Variants in TRAF3IP1 observed in about 807,000 individuals in gnomAD.
TRAF3IP1 encodes TRAF3-interacting protein 1.
Under a neutral mutation model 89.9 loss-of-function variants are expected in TRAF3IP1, and 53 were observed. That is an observed-to-expected ratio of 0.59 (90% CI 0.47 to 0.74). TRAF3IP1 has a LOEUF of 0.74. TRAF3IP1 is among the 30% of genes least tolerant of loss of function. The probability of loss-of-function intolerance (pLI) is 0.00; values close to 1 mark genes in which losing one functional copy is unlikely to be tolerated. For synonymous variants in TRAF3IP1, 311 were observed against 322.1 expected (o/e 0.97, Z 0.37); for missense variants, 806 against 866.1 (o/e 0.93, Z 0.87).
intron 15 of TRAF3IP1, among the ~76,000 whole-genome samples, chr2:238,385,630 C>T (rs1700737052): frequency 1.3e-5 from 2 of 152,200 alleles, no homozygotes; most frequent in Admixed American, 1.3e-4. Context: ...TGGTCCCCAA[C>T]CTTTTTGCTA....
At chr2:238,357,960 GAA>G (rs1699493337) in intron 15 of TRAF3IP1, among the ~76,000 whole-genome samples, 1 of 152,124 alleles carries the variant, frequency 6.6e-6, no homozygotes, top group East Asian at 1.9e-4. Flanking sequence ...CTGCTGTTTT[GAA>G]AAAGAGTGGT....
chr2:238,386,759 TTC>T, intron 15 of TRAF3IP1, among the ~76,000 whole-genome samples: 1 of 152,306 alleles, frequency 6.6e-6, no homozygotes, highest in South Asian at 2.1e-4. Context: ...GTTTGAAGAT[TTC>T]TCTGTTTTGT....
chr2:238,338,264 G>T, intron 7 of TRAF3IP1, 98 bp from the exon 8 acceptor site: 1 of 639,716 alleles, frequency 1.6e-6, no homozygotes, highest in South Asian at 2.5e-5. Flanking sequence ...GTTTGCTGGT[G>T]ACCTTGGTGT....
chr2:238,326,352 G>A (rs922799397), intron 3 of TRAF3IP1, among the ~76,000 whole-genome samples: 1 of 152,118 alleles, frequency 6.6e-6, no homozygotes, highest in Non-Finnish European at 1.5e-5. Flanking sequence ...TGCAGTGGCT[G>A]CAGGAGCTGC....
chr2:238,391,148 G>A lies in TRAF3IP1; in HGVS notation c.1690-6311G>A, dbSNP rs149556817. Reference sequence around the variant, plus strand: ...TTTTGTATTTTTTTTGTAGAGGCAGGGTTTCACCATGTTGGCCAGGCTGGT... The same window carrying A: ...TTTTGTATTTTTTTTGTAGAGGCAGAGTTTCACCATGTTGGCCAGGCTGGT... On this transcript the variant is annotated intron_variant, in intron 15 of 16. Coordinates refer to ENST00000373327, the MANE Select transcript of TRAF3IP1 (RefSeq NM_015650.4). 4.3e-4 allele frequency among the ~76,000 whole-genome samples: 66 copies of A among 152,112 alleles called. 1 individual carries two copies. Among genetic ancestry groups the A allele is most frequent in the African/African-American group, 1.5e-3 (64 of 41,510 alleles).
At chr2:238,387,170 T>C (rs1379413264) in intron 15 of TRAF3IP1, among the ~76,000 whole-genome samples, 3 of 152,226 alleles carry the variant, frequency 2.0e-5, no homozygotes, top group African/African-American at 7.2e-5. Context: ...AGGTAGGAGC[T>C]ACCCCAGATC....
At chr2:238,336,112 G>A (rs1381658484) in intron 7 of TRAF3IP1, among the ~76,000 whole-genome samples, 1 of 152,078 alleles carries the variant, frequency 6.6e-6, no homozygotes, top group Non-Finnish European at 1.5e-5. Context: ...TCTTAATCCA[G>A]TAGTTCTTCT....
chr2:238,387,368 G>T (rs1257172753), intron 15 of TRAF3IP1, among the ~76,000 whole-genome samples: 2 of 152,240 alleles, frequency 1.3e-5, no homozygotes, highest in African/African-American at 4.8e-5. Flanking sequence ...GCTGCTGCCA[G>T]ATAACAGTTC....
intron 14 of TRAF3IP1, 114 bp downstream of exon 14, chr2:238,353,323 C>A: frequency 1.8e-6 from 2 of 1,131,416 alleles, no homozygotes; most frequent in South Asian, 1.4e-5. Context: ...AGGTTCTGGT[C>A]TGGGTCACAC....
intron 15 of TRAF3IP1, among the ~76,000 whole-genome samples, chr2:238,375,933 C>A (rs1192633383): frequency 6.6e-6 from 1 of 152,086 alleles, no homozygotes; most frequent in Non-Finnish European, 1.5e-5. Flanking sequence ...ATATGGATAA[C>A]CAAGTTTTCC....
In TRAF3IP1 at chr2:238,371,631, C is replaced by T. The variant is rs995970125; in HGVS notation, c.1689+15551C>T. On this transcript the variant is annotated intron_variant, in intron 15 of 16. Transcript: ENST00000373327. ...TGGGATGACCAGCGCAGTGGCCACTCGCCCATGTGGTGGGGGTATTAGAAA... is the reference window on the plus strand; with the variant it reads ...TGGGATGACCAGCGCAGTGGCCACTTGCCCATGTGGTGGGGGTATTAGAAA... Among the ~76,000 whole-genome samples, 6 of 152,108 alleles carry T rather than the reference C, an allele frequency of 3.9e-5. 1 individual carries two copies. Among genetic ancestry groups the T allele is most frequent in the Admixed American group, 2.6e-4 (4 of 15,278 alleles).
intron 15 of TRAF3IP1, among the ~76,000 whole-genome samples, chr2:238,365,984 G>A (rs914608299): frequency 2.6e-5 from 4 of 152,060 alleles, no homozygotes; most frequent in Admixed American, 2.0e-4. Context: ...AGTGGCTCAC[G>A]CCTGTAATCC....
rs1042142104 is a variant in TRAF3IP1 at position 238,345,769 on chromosome 2, C to T, written c.1261+1171C>T. 1.9e-4 allele frequency among the ~76,000 whole-genome samples: 29 copies of T among 152,162 alleles called. No homozygotes were observed. The highest frequency in any genetic ancestry group is 4.6e-4 in the Admixed American group (7 of 15,278). On this transcript the variant is annotated intron_variant, in intron 9 of 16. Transcript: ENST00000373327. This position sits in a 1 kb window ranked among gnomAD's most constrained non-coding sequence, Gnocchi z 4.7. Reference sequence around the variant, plus strand: ...GGCTAGAGAGGAGCTGTGAGAGTTGCTGGCGCTGGGTGATGGCAGGAGCCT... The same window carrying T: ...GGCTAGAGAGGAGCTGTGAGAGTTGTTGGCGCTGGGTGATGGCAGGAGCCT...
At chr2:238,348,507 A>G (rs1699002810) in intron 10 of TRAF3IP1, among the ~76,000 whole-genome samples, 1 of 152,038 alleles carries the variant, frequency 6.6e-6, no homozygotes, top group Non-Finnish European at 1.5e-5. Context: ...TTTGAATTTT[A>G]TTTCTGAAGT....
intron 3 of TRAF3IP1, among the ~76,000 whole-genome samples, chr2:238,327,085 C>G (rs377739459): frequency 6.6e-6 from 1 of 152,254 alleles, no homozygotes; most frequent in African/African-American, 2.4e-5. Flanking sequence ...GCTGCTACTT[C>G]TCTCCCTTCA....
At chr2:238,321,926 C>T (rs1697567939) in intron 1 of TRAF3IP1, among the ~76,000 whole-genome samples, 1 of 152,194 alleles carries the variant, frequency 6.6e-6, no homozygotes, top group Non-Finnish European at 1.5e-5. Context: ...GCCCTCCTAC[C>T]TTAGCTTATA....
chr2:238,381,913 G>A lies in TRAF3IP1; in HGVS notation c.1690-15546G>A, dbSNP rs1022616709. ...CAGGCTGAGAAGGAAAGGGGCTGGC[G>A]GGTAGGAAGCCACAGATGGGGAAGA... On this transcript the variant is annotated intron_variant, in intron 15 of 16. Coordinates refer to ENST00000373327, the MANE Select transcript of TRAF3IP1 (RefSeq NM_015650.4). Among the ~76,000 whole-genome samples, 19 of 152,172 alleles carry A rather than the reference G, an allele frequency of 1.2e-4. No homozygotes were observed. The East Asian group carries it at 1.5e-3, about 12-fold the overall frequency.
In TRAF3IP1 at chr2:238,352,847, T is replaced by C. The variant is rs758554919; in HGVS notation, c.1472T>C (p.Val491Ala). Residue 491 changes from valine to alanine, a missense_variant, in exon 13 of 17, where the codon GTT (valine) becomes GCT (alanine). By Grantham distance (64) the Val-to-Ala change is moderately conservative (BLOSUM62 0). Around this residue, in one of 3 missense-constraint regions of TRAF3IP1, gnomAD observed 732 missense variants for 780.5 expected, o/e 0.94. Coordinates refer to ENST00000373327, the MANE Select transcript of TRAF3IP1 (RefSeq NM_015650.4). ...TTTAGGTCAGGGAGTGGTAAAACCG[T>C]TTCAAATGTGATTACAGAGTCACAC... ...QMDRSGSGKT[V>A]SNVITESHNS... 5 of 1,609,960 alleles carry C rather than the reference T, an allele frequency of 3.1e-6. No individual in the cohort carries two copies. In the African/African-American group the frequency reaches 6.7e-5, roughly 22 times the overall value.
At position 238,351,866 on chromosome 2, in the gene TRAF3IP1, T is replaced by TGTGTGTGTGCGC. The variant is rs1421537563; in HGVS notation, c.1452-960_1452-959insTGTGTGTGCGCG. ...GTGTGTGTGTGTGTGTGTGTGTGTG[T>TGTGTGTGTGCGC]GCGCGCGCGCGCGTGTGCGTGCATG... On this transcript the variant is annotated intron_variant, in intron 12 of 16. Transcript: ENST00000373327. This position sits in a 1 kb window ranked among gnomAD's most constrained non-coding sequence, Gnocchi z 5.2. Among the ~76,000 whole-genome samples the TGTGTGTGTGCGC allele has an allele frequency of 5.5e-5, 7 of 128,194 alleles. No individual in the cohort carries two copies. Among genetic ancestry groups the TGTGTGTGTGCGC allele is most frequent in the African/African-American group, 2.4e-4 (7 of 29,418 alleles). The allele number at this position is 128,194 out of a possible 152,430, so 84.1% of individuals were successfully genotyped here.
Sources: allele counts gnomAD v4.1 joint callset (sites outside exome capture counted in the v4.1 genomes callset), GRCh38; gene constraint gnomAD v4.1.1; regional missense constraint gnomAD v4.1.1; non-coding constraint Gnocchi (gnomAD v3.1); transcripts MANE v1.5; gene names NCBI Gene and HGNC (gene_info 2026-07-23, HGNC 2026-07-21).